LMBR1: variants seen among roughly 807,000 people sequenced by gnomAD.
LMBR1 encodes the protein limb region 1 protein homolog.
In LMBR1, 52 loss-of-function variants were observed where a neutral mutation model predicts 73.9. That is an observed-to-expected ratio of 0.70 (90% CI 0.56 to 0.89). The LOEUF is 0.89. Ranked by LOEUF, LMBR1 falls within the 40% of genes least tolerant of loss-of-function variation. The pLI, the probability that LMBR1 is intolerant of heterozygous loss-of-function variation, is 0.00. For missense variants in LMBR1, 539 were observed against 579.8 expected, an observed-to-expected ratio of 0.93 and a Z score of 0.72; for synonymous variants, 215 against 209.4, an observed-to-expected ratio of 1.03 and a Z score of -0.23.
intron 15 of LMBR1, among the ~76,000 whole-genome samples, chr7:156,700,449 T>C (rs528811064): frequency 4.7e-4 from 72 of 152,122 alleles, no homozygotes; most frequent in African/African-American, 1.7e-3. Context: ...TGCTAAATGA[T>C]GAGTTAATGG....
intron 1 of LMBR1, among the ~76,000 whole-genome samples, chr7:156,885,439 G>C (rs1479170611): frequency 6.6e-6 from 1 of 151,914 alleles, no homozygotes; most frequent in African/African-American, 2.4e-5. Context: ...CCATACCCAG[G>C]ATAAGGAAGA....
chr7:156,675,818 T>C (rs754252414), downstream of LMBR1: 2 of 1,614,020 alleles, frequency 1.2e-6, no homozygotes, highest in Non-Finnish European at 1.7e-6. Flanking sequence ...AAGAAAAATG[T>C]GGCCATGAGA....
intron 5 of LMBR1, among the ~76,000 whole-genome samples, chr7:156,792,599 TAAG>T (rs1829406222): frequency 6.6e-6 from 1 of 152,186 alleles, no homozygotes; most frequent in Non-Finnish European, 1.5e-5. Context: ...GCTGCCACGG[TAAG>T]AAGAGAGAAG....
chr7:156,696,968 T>C (rs1049799887), intron 15 of LMBR1, among the ~76,000 whole-genome samples: 2 of 152,206 alleles, frequency 1.3e-5, no homozygotes, highest in African/African-American at 4.8e-5. Context: ...AGTTACTTCC[T>C]AGATACAACG....
intron 9 of LMBR1, among the ~76,000 whole-genome samples, chr7:156,750,781 A>G (rs1468053307): frequency 1.3e-5 from 2 of 152,158 alleles, no homozygotes; most frequent in South Asian, 2.1e-4. Context: ...CGCTGCCCCA[A>G]TAAGGTGCGG....
At chr7:156,795,374 C>G (rs184211318) in intron 5 of LMBR1, among the ~76,000 whole-genome samples, 1 of 152,210 alleles carries the variant, frequency 6.6e-6, no homozygotes, top group Non-Finnish European at 1.5e-5. Flanking sequence ...CCCATCTTTT[C>G]ATCTGTGTCC....
chr7:156,791,639 C>T (rs976722396), intron 5 of LMBR1, among the ~76,000 whole-genome samples: 4 of 152,180 alleles, frequency 2.6e-5, no homozygotes, highest in African/African-American at 9.6e-5. Context: ...CAGAACTCTT[C>T]GCTTCCACCT....
intron 9 of LMBR1, among the ~76,000 whole-genome samples, chr7:156,751,677 A>G (rs986984318): frequency 6.6e-6 from 1 of 152,210 alleles, no homozygotes; most frequent in African/African-American, 2.4e-5. Context: ...GCTACTCTGA[A>G]GCTGGAGCCA....
intron 1 of LMBR1, among the ~76,000 whole-genome samples, chr7:156,884,978 T>C (rs537779993): frequency 1.3e-5 from 2 of 152,350 alleles, no homozygotes; most frequent in Admixed American, 1.3e-4. Flanking sequence ...AGGATACTTC[T>C]ATCCCCATTA....
intron 15 of LMBR1, among the ~76,000 whole-genome samples, chr7:156,704,843 T>C (rs1275297869): frequency 2.0e-5 from 3 of 148,618 alleles, no homozygotes; most frequent in Non-Finnish European, 3.0e-5. Flanking sequence ...AATAGACCAA[T>C]AGAAGAAAGA....
rs1805916600 is a variant in LMBR1, at chr7:156,685,927, A to G, written c.1388-1764T>C. Among the ~76,000 whole-genome samples the G allele has an allele frequency of 6.6e-6, 1 of 152,164 alleles. No homozygotes were observed. The highest frequency in any genetic ancestry group is 2.4e-5 in the African/African-American group (1 of 41,428). ...CACTCCAAATTTTAATCTTCCTGTCACCTGCATATCTTAATGAAAGAAAAG... is the reference window on the plus strand; with the variant it reads ...CACTCCAAATTTTAATCTTCCTGTCGCCTGCATATCTTAATGAAAGAAAAG... On this transcript the variant is annotated intron_variant, in intron 16 of 16. Transcript: ENST00000353442. The surrounding 1 kb of genome is among the most constrained non-coding windows in gnomAD (Gnocchi z 4.1).
chr7:156,759,712 TAGCACTCG>T (rs1403574480), intron 8 of LMBR1, among the ~76,000 whole-genome samples: 1 of 152,172 alleles, frequency 6.6e-6, no homozygotes, highest in Non-Finnish European at 1.5e-5. Context: ...TGCAAAGAAA[TAGCACTCG>T]AACATAAATT....
chr7:156,687,760 A>C (rs539932266), intron 16 of LMBR1, among the ~76,000 whole-genome samples: 202 of 152,334 alleles, frequency 1.3e-3, no homozygotes, highest in African/African-American at 4.3e-3. Flanking sequence ...CTGAGTTCTT[A>C]GGATGTGCCA....
chr7:156,676,751 ATC>A, downstream of LMBR1: 1 of 862,086 alleles, frequency 1.2e-6, no homozygotes, highest in East Asian at 2.4e-5. Context: ...CTACAATGTA[ATC>A]TGTTTCCCAG....
rs1170933772 is a variant in LMBR1 at position 156,681,097 on chromosome 7, C to T, written c.*2981G>A. The T allele has an allele frequency of 3.2e-5, 13 of 404,042 alleles. No individual in the cohort carries two copies. Among genetic ancestry groups the T allele is most frequent in the Non-Finnish European group, 4.8e-5 (10 of 209,956 alleles). The allele number at this position is 404,042 out of a possible 1,614,324, so 25.0% of individuals were successfully genotyped here. A position where few individuals can be genotyped will look rare whatever the true frequency, so the allele number is the denominator to read the frequency against. ...TCTATGTTCACATTAAAAAAAAAAA[C>T]TTGTAAGAATTCTGCCTTTATGCAT... is the stretch of plus-strand genomic sequence containing the variant. On this transcript the variant is annotated 3_prime_UTR_variant, in exon 17 of 17. Coordinates refer to ENST00000353442, the MANE Select transcript of LMBR1 (RefSeq NM_022458.4).
intron 1 of LMBR1, among the ~76,000 whole-genome samples, chr7:156,844,738 C>T (rs566513746): frequency 1.8e-4 from 28 of 152,178 alleles, no homozygotes; most frequent in African/African-American, 6.0e-4. Context: ...AGCAAAATAC[C>T]CACTGGGATG....
chr7:156,756,314 T>C, intron 9 of LMBR1, 79 bp downstream of exon 9: 1 of 752,088 alleles, frequency 1.3e-6, no homozygotes, highest in South Asian at 1.5e-5. Flanking sequence ...GAGGTTTATA[T>C]TTTTTCTCTT....
intron 15 of LMBR1, among the ~76,000 whole-genome samples, chr7:156,691,089 ATAC>A (rs1807075316): frequency 6.6e-6 from 1 of 152,244 alleles, no homozygotes; most frequent in African/African-American, 2.4e-5. Flanking sequence ...ATTTTTTAAA[ATAC>A]TACTATTAGA....
chr7:156,875,996 T>C (rs888605640), intron 1 of LMBR1, among the ~76,000 whole-genome samples: 1 of 150,836 alleles, frequency 6.6e-6, no homozygotes, highest in Non-Finnish European at 1.5e-5. Context: ...TGGATGTAAA[T>C]GGCCTAAATG....
Sources: gnomAD v4.1 joint callset for allele counts (sites outside exome capture counted in the v4.1 genomes callset) on GRCh38, gnomAD v4.1.1 for gene constraint, Gnocchi (gnomAD v3.1) non-coding constraint, MANE v1.5 for transcripts, NCBI Gene and HGNC (gene_info 2026-07-23, HGNC 2026-07-21) for gene names.